The following LRBA variants were observed in gnomAD, a reference collection of about 807,000 sequenced individuals.
LRBA encodes LPS responsive beige-like anchor protein.
Under a neutral mutation model 330.0 loss-of-function variants are expected in LRBA, and 176 were observed. That is an observed-to-expected ratio of 0.53 (90% CI 0.47 to 0.60). LRBA has a LOEUF of 0.60. Among genes scored for constraint, LRBA ranks in the 20% least tolerant of loss-of-function variants. The pLI is 0.00. For synonymous variants in LRBA, 1,230 were observed against 1,193.0 expected, an observed-to-expected ratio of 1.03 and a Z score of -0.64; for missense variants, 3,259 against 3,444.8, an observed-to-expected ratio of 0.95 and a Z score of 1.35.
chr4:150,377,295 G>A (rs1174118838), intron 47 of LRBA, among the ~76,000 whole-genome samples: 2 of 152,188 alleles, frequency 1.3e-5, no homozygotes, highest in East Asian at 3.8e-4. Context: ...ACTGGACCTA[G>A]GCTTTCAAAC....
At chr4:150,694,472 A>AAAAAAAAAAAAAAAAAAAAAC in intron 36 of LRBA, among the ~76,000 whole-genome samples, 5 of 149,850 alleles carry the variant, frequency 3.3e-5, no homozygotes, top group Non-Finnish European at 5.9e-5. Context: ...CAAAAAAAAA[A>AAAAAAAAAAAAAAAAAAAAAC]AAAAGCTATC....
At chr4:150,987,126 C>A (rs896875216) in intron 2 of LRBA, among the ~76,000 whole-genome samples, 4 of 152,176 alleles carry the variant, frequency 2.6e-5, no homozygotes, top group African/African-American at 9.7e-5. Context: ...TCATCTATAA[C>A]CAATTAATTG....
chr4:150,827,172 A>C (rs1488777526), intron 30 of LRBA, among the ~76,000 whole-genome samples: 4 of 152,214 alleles, frequency 2.6e-5, no homozygotes, highest in Non-Finnish European at 4.4e-5. Flanking sequence ...GACATAGAAG[A>C]AGCAGTACCA....
Position 150,986,234 on chromosome 4 carries a change from G to A in LRBA, c.216+28193C>T, listed in dbSNP as rs190510323. On this transcript the variant is annotated intron_variant, in intron 2 of 56. Transcript: ENST00000651943. ...ACAAAAGACAATTTTTCCACAGAAC[G>A]GGGGTCAGAGGTGGGTGGATGGTTT... 1.9e-3 allele frequency among the ~76,000 whole-genome samples: 291 copies of A among 152,246 alleles called. 1 individual carries two copies. Among genetic ancestry groups the A allele is most frequent in the African/African-American group, 6.5e-3 (272 of 41,556 alleles).
chr4:150,376,387 G>A lies in LRBA; in HGVS notation c.7195-26228C>T, dbSNP rs750923506. 2.0e-5 allele frequency among the ~76,000 whole-genome samples: 3 copies of A among 151,992 alleles called. No individual in the cohort carries two copies. In the South Asian group the frequency reaches 6.2e-4, roughly 32 times the overall value. On this transcript the variant is annotated intron_variant, in intron 47 of 56. Coordinates refer to ENST00000651943, the MANE Select transcript of LRBA (RefSeq NM_001364905.1). ...AGGTCGGCACAAAATTGTGGTTTTC[G>A]CCTAAATAAAATAAAACCTTTTGAT...
intron 37 of LRBA, among the ~76,000 whole-genome samples, chr4:150,671,896 G>A (rs992978359): frequency 3.9e-5 from 6 of 152,128 alleles, no homozygotes; most frequent in African/African-American, 2.4e-5. Flanking sequence ...GACAACTATT[G>A]CAAATTGTTG....
chr4:150,290,675 GACT>G (rs1423886392), intron 53 of LRBA, among the ~76,000 whole-genome samples: 1 of 152,166 alleles, frequency 6.6e-6, no homozygotes, highest in African/African-American at 2.4e-5. Flanking sequence ...GCACGTTTAT[GACT>G]ACTGATGCAA....
At chr4:150,443,872 ATTT>A (rs61403112) in intron 44 of LRBA, among the ~76,000 whole-genome samples, 30,769 of 88,150 alleles carry the variant, frequency 0.35, 6,073 homozygotes, top group Middle Eastern at 0.5. Context: ...ATATATATAT[ATTT>A]TTTTTTTTTT....
chr4:150,933,125 C>G (rs1734691995), intron 2 of LRBA, among the ~76,000 whole-genome samples: 1 of 152,042 alleles, frequency 6.6e-6, no homozygotes, highest in Non-Finnish European at 1.5e-5. Flanking sequence ...TGATGGATCA[C>G]TCCTGTAATC....
chr4:150,579,463 G>A (rs1176236454), intron 40 of LRBA: 10 of 391,726 alleles, frequency 2.6e-5, no homozygotes, highest in South Asian at 1.1e-4. Flanking sequence ...TTAGTACCAC[G>A]GCCATAAATT....
intron 47 of LRBA, among the ~76,000 whole-genome samples, chr4:150,391,156 C>G (rs773975119): frequency 6.6e-6 from 1 of 152,154 alleles, no homozygotes; most frequent in Non-Finnish European, 1.5e-5. Context: ...CTTACTGTTG[C>G]CTCTTTCCAA....
At chr4:150,662,318 G>A (rs1239324729) in intron 37 of LRBA, among the ~76,000 whole-genome samples, 7 of 152,120 alleles carry the variant, frequency 4.6e-5, no homozygotes, top group Admixed American at 6.5e-5. Context: ...CAGGTATTTC[G>A]CAAAAATGTC....
At chr4:150,767,867 A>G (rs1034154855) in intron 34 of LRBA, among the ~76,000 whole-genome samples, 2 of 151,088 alleles carry the variant, frequency 1.3e-5, no homozygotes, top group Non-Finnish European at 3.0e-5. Flanking sequence ...ATCAAGACCA[A>G]CCTGGCCAAC....
At chr4:150,654,565 T>C (rs1779997612) in intron 37 of LRBA, among the ~76,000 whole-genome samples, 1 of 152,172 alleles carries the variant, frequency 6.6e-6, no homozygotes, top group Non-Finnish European at 1.5e-5. Flanking sequence ...TATTATACTT[T>C]AAGTTTTAGG....
intron 2 of LRBA, among the ~76,000 whole-genome samples, chr4:150,937,568 T>C (rs965352786): frequency 1.3e-5 from 2 of 152,154 alleles, no homozygotes; most frequent in Non-Finnish European, 2.9e-5. Context: ...TTTTTCTACA[T>C]TTTAGCATGA....
intron 52 of LRBA, among the ~76,000 whole-genome samples, chr4:150,307,343 G>A (rs1218576655): frequency 6.6e-6 from 1 of 151,976 alleles, no homozygotes; most frequent in Non-Finnish European, 1.5e-5. Context: ...TGTGGTGGTG[G>A]TGAATTACTC....
At chr4:150,681,033 A>G (rs1783011142) in intron 37 of LRBA, among the ~76,000 whole-genome samples, 1 of 152,268 alleles carries the variant, frequency 6.6e-6, no homozygotes, top group Admixed American at 6.5e-5. Context: ...TTCTAATATG[A>G]TTGAGTTAAA....
At chr4:150,993,465 G>A (rs1251842739) in intron 2 of LRBA, among the ~76,000 whole-genome samples, 1 of 152,198 alleles carries the variant, frequency 6.6e-6, no homozygotes, top group Non-Finnish European at 1.5e-5. Context: ...AGCACGTTGG[G>A]AGGCCAAGGC....
chr4:150,803,253 C>CT (rs1742007804), intron 33 of LRBA, among the ~76,000 whole-genome samples: 2 of 151,162 alleles, frequency 1.3e-5, no homozygotes, highest in Non-Finnish European at 2.9e-5. Flanking sequence ...AAGAAAATGT[C>CT]TTTTTTTACA....
Sources: gnomAD v4.1 joint callset for allele counts (sites outside exome capture counted in the v4.1 genomes callset) on GRCh38, gnomAD v4.1.1 for gene constraint, MANE v1.5 for transcripts, NCBI Gene and HGNC (gene_info 2026-07-23, HGNC 2026-07-21) for gene names.